The following RPP25 variants were observed in gnomAD, a reference collection of about 807,000 sequenced individuals.
The protein encoded by RPP25 is ribonuclease P/MRP subunit p25.
Under a neutral mutation model 4.4 loss-of-function variants are expected in RPP25, and 2 were observed. The observed-to-expected ratio is 0.45, with a 90% CI of 0.19 to 1.43. The LOEUF (loss-of-function observed/expected upper bound fraction) is 1.43. Among genes scored for constraint, RPP25 ranks in the 40% most tolerant of loss-of-function variants. The probability of loss-of-function intolerance (pLI) is 0.26; values close to 1 mark genes in which losing one functional copy is unlikely to be tolerated. For missense variants in RPP25, 319 were observed against 293.8 expected, an observed-to-expected ratio of 1.09 and a Z score of -0.63; for synonymous variants, 144 against 136.2, an observed-to-expected ratio of 1.06 and a Z score of -0.40.
At position 74,956,436 on chromosome 15, in the gene RPP25, T is replaced by C. The variant is rs754010571; in HGVS notation, c.148A>G (p.Met50Val). Residue 50 changes from methionine (M) to valine (V), a missense_variant, in exon 1 of 1, where the codon ATG becomes GTG. Coordinates refer to ENST00000322177, the MANE Select transcript of RPP25 (RefSeq NM_017793.3). ...VKEGSKIRNL[M>V]AFATASMAQP... ...GCCATGCTGGCGGTGGCGAAGGCCA[T>C]CAGGTTCCGGATCTTGCTGCCTTCC... The C allele has an allele frequency of 1.3e-6, 2 of 1,591,750 alleles. No homozygotes were observed. The highest frequency in any genetic ancestry group is 2.3e-5 in the South Asian group (2 of 88,508).
At position 74,955,979 on chromosome 15, in the gene RPP25, G is replaced by C. The variant is rs202065793; in HGVS notation, c.*5C>G. 3.7e-6 allele frequency: 6 copies of C among 1,612,678 alleles called. No homozygotes were observed. The African/African-American group carries it at 5.3e-5, about 14-fold the overall frequency. ...GCCGGACTAGGTGGCCCACAGTCCGGAGTTTCAGGCCGTCTGATCCTCGTC... is the reference window on the plus strand; with the variant it reads ...GCCGGACTAGGTGGCCCACAGTCCGCAGTTTCAGGCCGTCTGATCCTCGTC... On this transcript the variant is annotated 3_prime_UTR_variant, in exon 1 of 1. Coordinates refer to ENST00000322177, the MANE Select transcript of RPP25 (RefSeq NM_017793.3).
At position 74,955,621 on chromosome 15, in the gene RPP25, A is replaced by G; in HGVS notation, c.*363T>C. 1 of 280,340 alleles carries G rather than the reference A, an allele frequency of 3.6e-6. No individual in the cohort carries two copies. The highest frequency in any genetic ancestry group is 6.8e-6 in the Non-Finnish European group (1 of 146,804). 17.4% of individuals were successfully genotyped at this position (280,340 alleles called of 1,614,324 possible). ...TAACTCTTCTCAGCTTCCATACTTC[A>G]GGTGCTCTTCGTGAATGCTGGGTGG... On this transcript the variant is annotated 3_prime_UTR_variant, in exon 1 of 1. Transcript: ENST00000322177.
rs1443438364 is a variant in RPP25, at chr15:74,956,394, C to G, written c.190G>C (p.Ala64Pro). The G allele has an allele frequency of 6.2e-7, 1 of 1,603,908 alleles. No individual in the cohort carries two copies. The highest frequency in any genetic ancestry group is 1.7e-5 in the Admixed American group (1 of 59,518). ...TASMAQPATR[A>P]IVFSGCGRAT... is the part of the protein sequence containing the mutation. ...CGGCCGCAGCCGCTGAAGACGATGGCGCGCGTGGCTGGCTGCGCCATGCTG... is the reference window on the plus strand; with the variant it reads ...CGGCCGCAGCCGCTGAAGACGATGGGGCGCGTGGCTGGCTGCGCCATGCTG... Residue 64 changes from alanine (A) to proline (P), a missense_variant, in exon 1 of 1, where the codon GCC becomes CCC. Coordinates refer to ENST00000322177, the MANE Select transcript of RPP25 (RefSeq NM_017793.3).
chr15:74,956,706 C>CGGCG lies in RPP25; in HGVS notation c.-127_-124dup. 1 of 1,178,568 alleles carries CGGCG rather than the reference C, an allele frequency of 8.5e-7. No individual in the cohort carries two copies. Among genetic ancestry groups the CGGCG allele is most frequent in the Non-Finnish European group, 1.1e-6 (1 of 916,164 alleles). 73.0% of individuals were successfully genotyped at this position (1,178,568 alleles called of 1,614,324 possible). A position where few individuals can be genotyped will look rare whatever the true frequency, so the allele number is the denominator to read the frequency against. ...AAGGGCGCCGGAGCAGCGCAGACGCCGGCGGGCGGGCTGGGACGGCGCGAT... is the reference window on the plus strand; with the variant it reads ...AAGGGCGCCGGAGCAGCGCAGACGCCGGCGGGCGGGCGGGCTGGGACGGCGCGAT... On this transcript the variant is annotated 5_prime_UTR_variant, in exon 1 of 1. Transcript: ENST00000322177.
chr15:74,955,789 G>A lies in RPP25; in HGVS notation c.*195C>T. The A allele has an allele frequency of 9.1e-6, 6 of 658,662 alleles. No homozygotes were observed. In the South Asian group the frequency reaches 1.2e-4, roughly 13 times the overall value. The allele number at this position is 658,662 out of a possible 1,614,324, so 40.8% of individuals were successfully genotyped here. ...GCAATTATCGCACGAAGTTTCCCTA[G>A]GGTGGTCGGGGATCCTCTCCTGCCA... is the stretch of plus-strand genomic sequence containing the variant. On this transcript the variant is annotated 3_prime_UTR_variant, in exon 1 of 1. Coordinates refer to ENST00000322177, the MANE Select transcript of RPP25 (RefSeq NM_017793.3).
Position 74,956,306 on chromosome 15 carries a change from T to C in RPP25, c.278A>G (p.Gln93Arg). 6.2e-7 allele frequency: 1 copy of C among 1,600,992 alleles called. No homozygotes were observed. The highest frequency in any genetic ancestry group is 8.5e-7 in the Non-Finnish European group (1 of 1,177,588). Reference protein sequence around the residue: ...ILKRRLAGLHQVTRLRYRSVR... With the variant: ...ILKRRLAGLHRVTRLRYRSVR... The stretch of plus-strand genomic sequence containing the variant: ...GCTCCGGTAGCGCAGCCGCGTGACC[T>C]GGTGCAGGCCCGCCAGGCGGCGCTT... Residue 93 changes from glutamine (Q) to arginine (R), a missense_variant, in exon 1 of 1, where the codon CAG becomes CGG. Transcript: ENST00000322177.
chr15:74,956,673 G>T lies in RPP25; in HGVS notation c.-90C>A. The stretch of plus-strand genomic sequence containing the variant: ...CGCCGGTCGCGCCTTGCAAGGGCCA[G>T]CAGGGGTAAGGGCGCCGGAGCAGCG... On this transcript the variant is annotated 5_prime_UTR_variant, in exon 1 of 1. It adds an upstream start codon to the 5' untranslated region. Coordinates refer to ENST00000322177, the MANE Select transcript of RPP25 (RefSeq NM_017793.3). The T allele has an allele frequency of 7.4e-7, 1 of 1,347,640 alleles. No individual in the cohort carries two copies. Among genetic ancestry groups the T allele is most frequent in the Non-Finnish European group, 9.5e-7 (1 of 1,051,128 alleles). The allele number at this position is 1,347,640 out of a possible 1,614,324, so 83.5% of individuals were successfully genotyped here. A position where few individuals can be genotyped will look rare whatever the true frequency, so the allele number is the denominator to read the frequency against.
At position 74,955,459 on chromosome 15, in the gene RPP25, AG is replaced by A; in HGVS notation, c.*524del. 1 of 160,106 alleles carries A rather than the reference AG, an allele frequency of 6.2e-6. No individual in the cohort carries two copies. The highest frequency in any genetic ancestry group is 1.4e-5 in the Non-Finnish European group (1 of 72,206). 9.9% of individuals were successfully genotyped at this position (160,106 alleles called of 1,614,324 possible). A position where few individuals can be genotyped will look rare whatever the true frequency, so the allele number is the denominator to read the frequency against. On this transcript the variant is annotated 3_prime_UTR_variant, in exon 1 of 1. Coordinates refer to ENST00000322177, the MANE Select transcript of RPP25 (RefSeq NM_017793.3). The stretch of plus-strand genomic sequence containing the variant: ...ACCCTCAGAGATGCTCCTCTGAAGC[AG>A]GGGAAAGAAAACTAGAAAGGAAAAC...
Position 74,956,439 on chromosome 15 carries a change from G to C in RPP25, c.145C>G (p.Leu49Val), listed in dbSNP as rs759551443. ...ATGCTGGCGGTGGCGAAGGCCATCA[G>C]GTTCCGGATCTTGCTGCCTTCCTTG... ...RVKEGSKIRN[L>V]MAFATASMAQ... The change falls in exon 1 of 1, where the codon CTG becomes GTG. Residue 49 changes from leucine (L) to valine (V), a missense_variant. Physicochemically the swap from Leu to Val is conservative, Grantham distance 32. Transcript: ENST00000322177. 6.3e-7 allele frequency: 1 copy of C among 1,590,254 alleles called. No homozygotes were observed. The highest frequency in any genetic ancestry group is 2.3e-5 in the East Asian group (1 of 43,858).
Position 74,956,655 on chromosome 15 carries a change from C to G in RPP25, c.-72G>C, listed in dbSNP as rs1290022053. The G allele has an allele frequency of 7.3e-7, 1 of 1,372,164 alleles. No homozygotes were observed. Among genetic ancestry groups the G allele is most frequent in the Non-Finnish European group, 9.3e-7 (1 of 1,070,040 alleles). The allele number at this position is 1,372,164 out of a possible 1,614,324, so 85.0% of individuals were successfully genotyped here. ...GCCCCGGGGCTGCATGGCCGCCGGT[C>G]GCGCCTTGCAAGGGCCAGCAGGGGT... On this transcript the variant is annotated 5_prime_UTR_variant, in exon 1 of 1. Transcript: ENST00000322177.
At position 74,955,719 on chromosome 15, in the gene RPP25, A is replaced by G. The variant is rs1693246339; in HGVS notation, c.*265T>C. On this transcript the variant is annotated 3_prime_UTR_variant, in exon 1 of 1. Coordinates refer to ENST00000322177, the MANE Select transcript of RPP25 (RefSeq NM_017793.3). ...ACCATTCTCCCCCAAAGAAGGTCCC[A>G]GAAAAGGTGAAGTTCCGTGTCTTCA... is the stretch of plus-strand genomic sequence containing the variant. 9.6e-6 allele frequency: 5 copies of G among 520,550 alleles called. No individual in the cohort carries two copies. The highest frequency in any genetic ancestry group is 9.6e-5 in the South Asian group (4 of 41,830). The allele number at this position is 520,550 out of a possible 1,614,324, so 32.2% of individuals were successfully genotyped here.
At position 74,956,374 on chromosome 15, in the gene RPP25, G is replaced by C; in HGVS notation, c.210C>G (p.Cys70Trp). ...TGACGGTTTTGGTGGTGGCCCGGCCGCAGCCGCTGAAGACGATGGCGCGCG... is the reference window on the plus strand; with the variant it reads ...TGACGGTTTTGGTGGTGGCCCGGCCCCAGCCGCTGAAGACGATGGCGCGCG... ...PATRAIVFSG[C>W]GRATTKTVTC... Residue 70 changes from cysteine (C) to tryptophan (W), a missense_variant, in exon 1 of 1, where the codon TGC (cysteine) becomes TGG (tryptophan). By Grantham distance (215) the Cys-to-Trp change is radical. Transcript: ENST00000322177. 2 of 1,602,714 alleles carry C rather than the reference G, an allele frequency of 1.2e-6. No homozygotes were observed. The highest frequency in any genetic ancestry group is 8.5e-7 in the Non-Finnish European group (1 of 1,178,418).
Position 74,956,091 on chromosome 15 carries a change from C to G in RPP25, c.493G>C (p.Ala165Pro). 1 of 1,609,680 alleles carries G rather than the reference C, an allele frequency of 6.2e-7. No homozygotes were observed. Among genetic ancestry groups the G allele is most frequent in the Non-Finnish European group, 8.5e-7 (1 of 1,178,892 alleles). Residue 165 changes from alanine (A) to proline (P), a missense_variant, in exon 1 of 1, where the codon GCC (alanine) becomes CCC (proline). Transcript: ENST00000322177. ...NPHPGPSSPP[A>P]APASKRSLGE... ...AGGCTCCTCTTGGACGCTGGCGCGGCTGGCGGGGACGAGGGACCAGGATGG... is the reference window on the plus strand; with the variant it reads ...AGGCTCCTCTTGGACGCTGGCGCGGGTGGCGGGGACGAGGGACCAGGATGG...
In RPP25 at chr15:74,954,815, C is replaced by G. The variant is rs34063670; in HGVS notation, c.*1169G>C. On this transcript the variant is annotated 3_prime_UTR_variant, in exon 1 of 1. Coordinates refer to ENST00000322177, the MANE Select transcript of RPP25 (RefSeq NM_017793.3). The stretch of plus-strand genomic sequence containing the variant: ...TTCCCAAGGGTGTGCTGTCCTTTCT[C>G]AGAGAGAGGGCAGTGAAGGGGAGAT... The G allele has an allele frequency of 0.37, 56,107 of 152,130 alleles. 11,699 individuals carry two copies. Among genetic ancestry groups the G allele is most frequent in the Non-Finnish European group, 0.49 (33,026 of 68,012 alleles). 9.4% of individuals were successfully genotyped at this position (152,130 alleles called of 1,614,324 possible).
rs201692379 is a variant in RPP25, at chr15:74,955,960, C to G, written c.*24G>C. ...GGCGCTGGCGGAAGATCCTGCCGGA[C>G]TAGGTGGCCCACAGTCCGGAGTTTC... On this transcript the variant is annotated 3_prime_UTR_variant, in exon 1 of 1. Transcript: ENST00000322177. The G allele has an allele frequency of 1.0e-4, 165 of 1,611,896 alleles. No individual in the cohort carries two copies. Among genetic ancestry groups the G allele is most frequent in the Non-Finnish European group, 1.4e-4 (163 of 1,179,704 alleles).
rs527674269 is a variant in RPP25, at chr15:74,954,636, C to T, written c.*1348G>A. 6.5e-6 allele frequency: 1 copy of T among 152,744 alleles called. No homozygotes were observed. Among genetic ancestry groups the T allele is most frequent in the African/African-American group, 2.4e-5 (1 of 41,456 alleles). The allele number at this position is 152,744 out of a possible 1,614,324, so 9.5% of individuals were successfully genotyped here. On this transcript the variant is annotated 3_prime_UTR_variant, in exon 1 of 1. Coordinates refer to ENST00000322177, the MANE Select transcript of RPP25 (RefSeq NM_017793.3). Reference sequence around the variant, plus strand: ...GCTGGCTTGGAGTTGGGCAGAGAAGCTTATGAGGCTGTTATCTCTCAACAG... The same window carrying T: ...GCTGGCTTGGAGTTGGGCAGAGAAGTTTATGAGGCTGTTATCTCTCAACAG...
rs2065465099 is a variant in RPP25, at chr15:74,955,670, C to A, written c.*314G>T. 1 of 405,608 alleles carries A rather than the reference C, an allele frequency of 2.5e-6. No individual in the cohort carries two copies. The highest frequency in any genetic ancestry group is 3.1e-5 in the South Asian group (1 of 32,382). 25.1% of individuals were successfully genotyped at this position (405,608 alleles called of 1,614,324 possible). A position where few individuals can be genotyped will look rare whatever the true frequency, so the allele number is the denominator to read the frequency against. Reference sequence around the variant, plus strand: ...GGCTTTAACCCTTGGGGGTCCCAAACAAGTTTCCAGAATCCCACTGTCCAC... The same window carrying A: ...GGCTTTAACCCTTGGGGGTCCCAAAAAAGTTTCCAGAATCCCACTGTCCAC... On this transcript the variant is annotated 3_prime_UTR_variant, in exon 1 of 1. Transcript: ENST00000322177.
In RPP25 at chr15:74,955,616, A is replaced by G; in HGVS notation, c.*368T>C. 3.9e-6 allele frequency: 1 copy of G among 254,624 alleles called. No homozygotes were observed. The highest frequency in any genetic ancestry group is 7.6e-6 in the Non-Finnish European group (1 of 131,172). 15.8% of individuals were successfully genotyped at this position (254,624 alleles called of 1,614,324 possible). A position where few individuals can be genotyped will look rare whatever the true frequency, so the allele number is the denominator to read the frequency against. ...TCCAATAACTCTTCTCAGCTTCCATACTTCAGGTGCTCTTCGTGAATGCTG... is the reference window on the plus strand; with the variant it reads ...TCCAATAACTCTTCTCAGCTTCCATGCTTCAGGTGCTCTTCGTGAATGCTG... On this transcript the variant is annotated 3_prime_UTR_variant, in exon 1 of 1. Transcript: ENST00000322177.
At position 74,954,424 on chromosome 15, in the gene RPP25, C is replaced by G. The variant is rs2065458675; in HGVS notation, c.*1560G>C. On this transcript the variant is annotated 3_prime_UTR_variant, in exon 1 of 1. Coordinates refer to ENST00000322177, the MANE Select transcript of RPP25 (RefSeq NM_017793.3). ...GTCAGCCACAGAACGTATCTCTTGT[C>G]ACCAGCAGGATTTATTTCAGGGTTC... 6.6e-6 allele frequency: 1 copy of G among 152,270 alleles called. No homozygotes were observed. The allele number at this position is 152,270 out of a possible 1,614,324, so 9.4% of individuals were successfully genotyped here.
Sources: gnomAD v4.1 joint callset for allele counts on GRCh38, gnomAD v4.1.1 for gene constraint, MANE v1.5 for transcripts, NCBI Gene and HGNC (gene_info 2026-07-23, HGNC 2026-07-21) for gene names.